CRX: variants seen among roughly 807,000 people sequenced by gnomAD.
CRX encodes cone-rod homeobox protein.
A neutral mutation model predicts 13.1 loss-of-function variants in CRX; 5 were observed. That is an observed-to-expected ratio of 0.38 (90% CI 0.20 to 0.80). The LOEUF is 0.80. Ranked by LOEUF, CRX falls within the 30% of genes least tolerant of loss-of-function variation. CRX has a pLI of 0.43. For missense variants in CRX, 351 were observed against 391.8 expected, an observed-to-expected ratio of 0.90 and a Z score of 0.88; for synonymous variants, 179 against 171.1, an observed-to-expected ratio of 1.05 and a Z score of -0.36.
chr19:47,836,451 G>C, intron 3 of CRX, 57 bp downstream of exon 3: 1 of 1,608,306 alleles, frequency 6.2e-7, no homozygotes, highest in Non-Finnish European at 8.5e-7. Flanking sequence ...CAGGAGGCCT[G>C]CCCGGAACAA....
chr19:47,828,240 G>A (rs1239822570), intron 1 of CRX, among the ~76,000 whole-genome samples: 1 of 152,088 alleles, frequency 6.6e-6, no homozygotes, highest in African/African-American at 2.4e-5. Flanking sequence ...GAACAGAGAA[G>A]CTGCGGTCTT....
Position 47,836,451 on chromosome 19 carries a change from GC to G in CRX, c.252+60del, listed in dbSNP as rs372718443. The stretch of plus-strand genomic sequence containing the variant: ...CACTTCCTGTGATCTCAGGAGGCCT[GC>G]CCGGAACAAAGAGTGATGGGAGGAG... On this transcript the variant is annotated intron_variant, in intron 3 of 3. Transcript: ENST00000221996. 3.0e-5 allele frequency: 49 copies of G among 1,608,188 alleles called. No homozygotes were observed. The African/African-American group carries it at 4.8e-4, about 16-fold the overall frequency.
chr19:47,825,598 C>T (rs1364889600), intron 1 of CRX, among the ~76,000 whole-genome samples: 1 of 152,124 alleles, frequency 6.6e-6, no homozygotes, highest in Non-Finnish European at 1.5e-5. Flanking sequence ...TTTCCTCCTG[C>T]TGAGCCTCCT....
intron 1 of CRX, among the ~76,000 whole-genome samples, chr19:47,828,936 ACACAC>A (rs1555801206): frequency 7.0e-5 from 10 of 142,698 alleles, no homozygotes; most frequent in South Asian, 2.2e-4. Flanking sequence ...ACACACACAC[ACACAC>A]AATTAAAAAG....
chr19:47,827,834 A>G (rs1288086059), intron 1 of CRX, among the ~76,000 whole-genome samples: 1 of 56,426 alleles, frequency 1.8e-5, no homozygotes, highest in African/African-American at 8.1e-5. Flanking sequence ...TGGCATCTTT[A>G]TTAAAAAAAA....
At chr19:47,835,230 T>G (rs11667504) in intron 2 of CRX, among the ~76,000 whole-genome samples, 3 of 149,196 alleles carry the variant, frequency 2.0e-5, no homozygotes, top group East Asian at 3.9e-4. Context: ...TATTATTATT[T>G]TTTTTTTTGT....
chr19:47,824,007 G>A (rs1378449305), intron 1 of CRX, among the ~76,000 whole-genome samples: 1 of 152,066 alleles, frequency 6.6e-6, no homozygotes, highest in Non-Finnish European at 1.5e-5. Flanking sequence ...CCCTCATGTG[G>A]GCTCTCTGGG....
intron 1 of CRX, among the ~76,000 whole-genome samples, chr19:47,828,382 G>C (rs567505076): frequency 6.6e-6 from 1 of 152,144 alleles, no homozygotes; most frequent in East Asian, 1.9e-4. Flanking sequence ...AGAAGGAAAG[G>C]ACAGTGAGAG....
intron 1 of CRX, among the ~76,000 whole-genome samples, chr19:47,824,755 C>T (rs1967954820): frequency 6.6e-6 from 1 of 152,090 alleles, no homozygotes; most frequent in Non-Finnish European, 1.5e-5. Flanking sequence ...CCAGTGAGTG[C>T]CGAACCCCAC....
At chr19:47,824,990 A>AT (rs11374819) in intron 1 of CRX, among the ~76,000 whole-genome samples, 5,582 of 100,256 alleles carry the variant, frequency 0.056, 612 homozygotes, top group African/African-American at 0.2. Flanking sequence ...CGATTGATTG[A>AT]TTTTTTTTTT....
At position 47,840,085 on chromosome 19, in the gene CRX, C is replaced by CCTTCCCCTTTCT; in HGVS notation, c.*122_*123insCCCTTTCTCTTC. The CCTTCCCCTTTCT allele has an allele frequency of 8.3e-7, 1 of 1,211,328 alleles. No homozygotes were observed. Among genetic ancestry groups the CCTTCCCCTTTCT allele is most frequent in the Non-Finnish European group, 1.2e-6 (1 of 846,916 alleles). The allele number at this position is 1,211,328 out of a possible 1,614,324, so 75.0% of individuals were successfully genotyped here. A position where few individuals can be genotyped will look rare whatever the true frequency, so the allele number is the denominator to read the frequency against. On this transcript the variant is annotated 3_prime_UTR_variant, in exon 4 of 4. Transcript: ENST00000221996. ...TGAGAAAGCAACCCGAACCAGCTGT[C>CCTTCCCCTTTCT]CTTCTGACAGCTCGGTGTTCAGCTT...
chr19:47,839,921 C>T lies in CRX; in HGVS notation c.854C>T (p.Pro285Leu). The change falls in exon 4 of 4, where the codon CCT (proline) becomes CTT (leucine). Residue 285 changes from proline (P) to leucine (L), a missense_variant. Coordinates refer to ENST00000221996, the MANE Select transcript of CRX (RefSeq NM_000554.6). The surrounding 1 kb of genome is among the most constrained non-coding windows in gnomAD (Gnocchi z 4.6). ...TWKFTYNPMD[P>L]LDYKDQSAWK... ...AAATTCACCTACAATCCCATGGACC[C>T]TCTGGACTACAAGGATCAGAGTGCC... is the stretch of plus-strand genomic sequence containing the variant. 1 of 1,614,088 alleles carries T rather than the reference C, an allele frequency of 6.2e-7. No individual in the cohort carries two copies. Among genetic ancestry groups the T allele is most frequent in the Admixed American group, 1.7e-5 (1 of 60,010 alleles).
intron 1 of CRX, among the ~76,000 whole-genome samples, chr19:47,829,488 C>A (rs1034485472): frequency 6.6e-6 from 1 of 151,948 alleles, no homozygotes; most frequent in East Asian, 1.9e-4. Context: ...CCCACCACCA[C>A]GCCTGCCTAA....
At chr19:47,829,540 A>G (rs1167239816) in intron 1 of CRX, among the ~76,000 whole-genome samples, 2 of 152,142 alleles carry the variant, frequency 1.3e-5, no homozygotes, top group Non-Finnish European at 2.9e-5. Flanking sequence ...CATGTTGGCC[A>G]GGCTGGTCTT....
intron 2 of CRX, among the ~76,000 whole-genome samples, chr19:47,835,379 C>CT (rs764293041): frequency 4.0e-5 from 6 of 149,910 alleles, no homozygotes; most frequent in East Asian, 2.0e-4. Flanking sequence ...ATTTCTTTTT[C>CT]TTTTTTTTTC....
chr19:47,827,836 T>TAAAA (rs1156465404), intron 1 of CRX, among the ~76,000 whole-genome samples: 11 of 41,758 alleles, frequency 2.6e-4, no homozygotes, highest in East Asian at 1.1e-3. Context: ...GCATCTTTAT[T>TAAAA]AAAAAAAAAA....
At position 47,832,257 on chromosome 19, in the gene CRX, C is replaced by T. The variant is rs1261533523; in HGVS notation, c.-35-2152C>T. Among the ~76,000 whole-genome samples, 3 of 148,402 alleles carry T rather than the reference C, an allele frequency of 2.0e-5. 1 individual carries two copies. The highest frequency in any genetic ancestry group is 7.8e-5 in the African/African-American group (3 of 38,588). ...AGTAGCTGGGATTACAGGCACGCGC[C>T]ACCATGCCCGGCTAATTTTTGTATT... On this transcript the variant is annotated intron_variant, in intron 1 of 3. Coordinates refer to ENST00000221996, the MANE Select transcript of CRX (RefSeq NM_000554.6).
chr19:47,825,408 G>A (rs931467597), intron 1 of CRX, among the ~76,000 whole-genome samples: 2 of 152,134 alleles, frequency 1.3e-5, no homozygotes, highest in Admixed American at 6.6e-5. Flanking sequence ...TTACAGGTAC[G>A]TGCCACCACG....
intron 1 of CRX, among the ~76,000 whole-genome samples, chr19:47,823,976 T>G (rs1379797801): frequency 6.6e-6 from 1 of 152,146 alleles, no homozygotes; most frequent in East Asian, 1.9e-4. Flanking sequence ...CTTGTTCTTT[T>G]CTCACTGTGT....
Sources: allele counts gnomAD v4.1 joint callset (sites outside exome capture counted in the v4.1 genomes callset), GRCh38; gene constraint gnomAD v4.1.1; non-coding constraint Gnocchi (gnomAD v3.1); transcripts MANE v1.5; gene names NCBI Gene and HGNC (gene_info 2026-07-23, HGNC 2026-07-21).